Variants in HECA observed in about 807,000 individuals in gnomAD.
HECA encodes headcase protein homolog.
Under a neutral mutation model 37.6 loss-of-function variants are expected in HECA, and 13 were observed. The observed-to-expected ratio is 0.35, with a 90% confidence interval of 0.23 to 0.55. HECA has a LOEUF of 0.55. Among genes scored for constraint, HECA ranks in the 20% least tolerant of loss-of-function variants. The pLI, the probability that HECA is intolerant of heterozygous loss-of-function variation, is 0.90. For synonymous variants in HECA, 307 were observed against 291.5 expected, an observed-to-expected ratio of 1.05 and a Z score of -0.54; for missense variants, 527 against 701.9, an observed-to-expected ratio of 0.75 and a Z score of 2.82.
chr6:139,178,436 A>G lies in HECA; in HGVS notation c.*1331A>G, dbSNP rs577770543. The G allele has an allele frequency of 6.6e-6, 1 of 151,666 alleles. No individual in the cohort carries two copies. Among genetic ancestry groups the G allele is most frequent in the Admixed American group, 6.6e-5 (1 of 15,246 alleles). 9.4% of individuals were successfully genotyped at this position (151,666 alleles called of 1,614,324 possible). ...ATATGCTAAAAGAATGCAGAAAATC[A>G]TTTTATGAATAGCCAAATTTGGGGT... On this transcript the variant is annotated 3_prime_UTR_variant, in exon 4 of 4. Transcript: ENST00000367658.
intron 1 of HECA, among the ~76,000 whole-genome samples, chr6:139,165,772 C>A (rs1408324593): frequency 2.0e-5 from 3 of 146,764 alleles, no homozygotes; most frequent in Non-Finnish European, 4.5e-5. Context: ...GTTTTCTGTC[C>A]TTTCTGGGAA....
chr6:139,179,842 A>G lies in HECA; in HGVS notation c.*2737A>G, dbSNP rs914715940. The stretch of plus-strand genomic sequence containing the variant: ...GATCCAATTTGTTTTTCTGATGAAT[A>G]GTGTTCAGTAAAATGAAGCAGTCTT... On this transcript the variant is annotated 3_prime_UTR_variant, in exon 4 of 4. Transcript: ENST00000367658. 1 of 152,242 alleles carries G rather than the reference A, an allele frequency of 6.6e-6. No individual in the cohort carries two copies. The highest frequency in any genetic ancestry group is 1.5e-5 in the Non-Finnish European group (1 of 68,030). 9.4% of individuals were successfully genotyped at this position (152,242 alleles called of 1,614,324 possible).
At chr6:139,142,913 A>ACTCCAG (rs555369218) in intron 1 of HECA, among the ~76,000 whole-genome samples, 1,601 of 152,308 alleles carry the variant, frequency 0.011, 14 homozygotes, top group Non-Finnish European at 0.017. Flanking sequence ...GCGCCATTGC[A>ACTCCAG]CTCCAGCCTG....
chr6:139,149,778 T>G (rs1361102153), intron 1 of HECA, among the ~76,000 whole-genome samples: 1 of 152,210 alleles, frequency 6.6e-6, no homozygotes, highest in Non-Finnish European at 1.5e-5. Flanking sequence ...CAAACAGCCT[T>G]TCTGACCCCA....
At chr6:139,150,517 G>T (rs1379146517) in intron 1 of HECA, among the ~76,000 whole-genome samples, 1 of 150,642 alleles carries the variant, frequency 6.6e-6, no homozygotes, top group Non-Finnish European at 1.5e-5. Context: ...ATGACTTTGA[G>T]TAATTTTTAA....
At chr6:139,175,573 A>G (rs183556656) in intron 3 of HECA, among the ~76,000 whole-genome samples, 61 of 152,292 alleles carry the variant, frequency 4.0e-4, no homozygotes, top group Admixed American at 2.6e-3. Flanking sequence ...AAGGAAGTGA[A>G]AGAACTTTTG....
intron 1 of HECA, among the ~76,000 whole-genome samples, chr6:139,146,796 T>G (rs1193018105): frequency 6.6e-6 from 1 of 152,224 alleles, no homozygotes; most frequent in Admixed American, 6.5e-5. Context: ...GCTCCTTGGA[T>G]CCGTTCTTAC....
intron 2 of HECA, among the ~76,000 whole-genome samples, chr6:139,173,825 A>G (rs1387639439): frequency 6.6e-6 from 1 of 152,236 alleles, no homozygotes; most frequent in Admixed American, 6.5e-5. Context: ...TACGAGTAAG[A>G]TATAATTCTG....
At chr6:139,167,355 C>T (rs1562248729) in intron 2 of HECA, 31 bp downstream of exon 2, 2 of 1,487,106 alleles carry the variant, frequency 1.3e-6, no homozygotes, top group African/African-American at 2.8e-5. Flanking sequence ...TGCCTGCTTT[C>T]TGTTTGTTAA....
chr6:139,137,620 C>A (rs115955531), intron 1 of HECA, among the ~76,000 whole-genome samples: 3 of 140,378 alleles, frequency 2.1e-5, no homozygotes, highest in Admixed American at 7.5e-5. Context: ...TGCCCACCCC[C>A]CTACCAGCTC....
At position 139,135,621 on chromosome 6, in the gene HECA, CGCTGCGGCCGCCGCGGGGGCTGCG is replaced by C. The variant is rs1458194105; in HGVS notation, c.228_251del (p.Ala78_Ala85del). ...GAGGCGCGGGGACTGGCGCCGCGAA[CGCTGCGGCCGCCGCGGGGGCTGCG>C]GCCGCGGGCGATGCCAAAAACGGTA... On this transcript the variant is annotated inframe_deletion, in exon 1 of 4. Transcript: ENST00000367658. 8.3e-6 allele frequency: 8 copies of C among 962,648 alleles called. No homozygotes were observed. The highest frequency in any genetic ancestry group is 5.3e-4 in the Middle Eastern group (1 of 1,890). The allele number at this position is 962,648 out of a possible 1,614,324, so 59.6% of individuals were successfully genotyped here.
intron 2 of HECA, among the ~76,000 whole-genome samples, chr6:139,169,276 A>G (rs958703521): frequency 2.0e-5 from 3 of 151,966 alleles, no homozygotes; most frequent in South Asian, 2.1e-4. Context: ...ATATATAATA[A>G]AGGATATATA....
intron 1 of HECA, among the ~76,000 whole-genome samples, chr6:139,155,976 G>A (rs1398493989): frequency 2.0e-5 from 3 of 151,906 alleles, no homozygotes; most frequent in Non-Finnish European, 4.4e-5. Flanking sequence ...AATTATAAAA[G>A]TGCTTTCTTA....
chr6:139,166,473 G>A lies in HECA; in HGVS notation c.461G>A (p.Trp154Ter). Reference protein sequence around the residue: ...QFNCIGRARSWNEKQCRQNMW... With the variant: ...QFNCIGRARS ...AACTGCATCGGCCGCGCGCGCAGCTGGAACGAGAAGCAATGCCGCCAGAAC... is the reference window on the plus strand; with the variant it reads ...AACTGCATCGGCCGCGCGCGCAGCTAGAACGAGAAGCAATGCCGCCAGAAC... Residue 154 changes from tryptophan to a stop codon, truncating the protein, a stop_gained, in exon 2 of 4, where the codon TGG becomes TAG. Coordinates refer to ENST00000367658, the MANE Select transcript of HECA (RefSeq NM_016217.3). LOFTEE classifies it high-confidence loss of function. The A allele has an allele frequency of 6.2e-7, 1 of 1,614,168 alleles. No individual in the cohort carries two copies. Among genetic ancestry groups the A allele is most frequent in the Non-Finnish European group, 8.5e-7 (1 of 1,179,988 alleles).
intron 1 of HECA, 137 bp from the exon 2 acceptor site, chr6:139,166,147 A>G (rs1761850415): frequency 4.3e-6 from 3 of 700,520 alleles, no homozygotes; most frequent in South Asian, 3.9e-5. Context: ...GGAGTGATTC[A>G]TCTTTAAAGG....
Position 139,135,320 on chromosome 6 carries a change from G to C in HECA, c.-77G>C. 8.8e-7 allele frequency: 1 copy of C among 1,139,386 alleles called. No homozygotes were observed. The highest frequency in any genetic ancestry group is 1.1e-6 in the Non-Finnish European group (1 of 901,310). The allele number at this position is 1,139,386 out of a possible 1,614,324, so 70.6% of individuals were successfully genotyped here. A position where few individuals can be genotyped will look rare whatever the true frequency, so the allele number is the denominator to read the frequency against. On this transcript the variant is annotated 5_prime_UTR_variant, in exon 1 of 4. Coordinates refer to ENST00000367658, the MANE Select transcript of HECA (RefSeq NM_016217.3). ...CGTTCTTTCCCGGAGCCGGCTTCAC[G>C]CAGGGCCGGGAACGGCCGTGCCTCT...
intron 2 of HECA, among the ~76,000 whole-genome samples, chr6:139,172,466 T>C (rs1330088408): frequency 6.6e-6 from 1 of 152,238 alleles, no homozygotes; most frequent in Non-Finnish European, 1.5e-5. Flanking sequence ...TTTGCTCTCT[T>C]TCCCTCTGAA....
Position 139,137,592 on chromosome 6 carries a change from G to A in HECA, c.271+1925G>A, listed in dbSNP as rs1038886238. On this transcript the variant is annotated intron_variant, in intron 1 of 3. Transcript: ENST00000367658. ...AGGGAGCTTGCATTCCTGTTCTGGT[G>A]GTGGTTTTGGTTTGCTCTGCCCACC... 2.0e-5 allele frequency among the ~76,000 whole-genome samples: 3 copies of A among 150,488 alleles called. No homozygotes were observed. The East Asian group carries it at 5.8e-4, about 29-fold the overall frequency.
Position 139,166,416 on chromosome 6 carries a change from A to T in HECA, c.404A>T (p.Tyr135Phe). The T allele has an allele frequency of 6.2e-7, 1 of 1,614,226 alleles. No homozygotes were observed. Among genetic ancestry groups the T allele is most frequent in the East Asian group, 2.2e-5 (1 of 44,876 alleles). Reference protein sequence around the residue: ...CSTWMHLQCFYEWESSILVQF... With the variant: ...CSTWMHLQCFFEWESSILVQF... Reference sequence around the variant, plus strand: ...ACCTGGATGCACCTGCAGTGCTTCTACGAGTGGGAGAGCAGCATCCTCGTC... The same window carrying T: ...ACCTGGATGCACCTGCAGTGCTTCTTCGAGTGGGAGAGCAGCATCCTCGTC... Residue 135 changes from tyrosine to phenylalanine, a missense_variant, in exon 2 of 4, where the codon TAC (tyrosine) becomes TTC (phenylalanine). Tyr to Phe is a conservative substitution (Grantham distance 22). This residue lies in a region of HECA where 172 missense variants were observed against 197.6 expected (regional missense o/e 0.87). Transcript: ENST00000367658.
Sources: allele counts gnomAD v4.1 joint callset (sites outside exome capture counted in the v4.1 genomes callset), GRCh38; gene constraint gnomAD v4.1.1; regional missense constraint gnomAD v4.1.1; transcripts MANE v1.5; gene names NCBI Gene and HGNC (gene_info 2026-07-23, HGNC 2026-07-21).